XPR1: variants seen among roughly 807,000 people sequenced by gnomAD.
The protein encoded by XPR1 is xenotropic and polytropic retrovirus receptor 1.
In XPR1, 28 loss-of-function variants were observed where a neutral mutation model predicts 87.5. The observed-to-expected ratio is 0.32, with a 90% confidence interval of 0.24 to 0.44. The LOEUF (loss-of-function observed/expected upper bound fraction) is 0.44, where lower values mean the gene tolerates loss of function less well. Ranked by LOEUF, XPR1 falls within the 20% of genes least tolerant of loss-of-function variation. The pLI is 1.00. For missense variants in XPR1, 559 were observed against 862.3 expected, an observed-to-expected ratio of 0.65 and a Z score of 4.41; for synonymous variants, 300 against 306.1, an observed-to-expected ratio of 0.98 and a Z score of 0.21.
intron 2 of XPR1, among the ~76,000 whole-genome samples, chr1:180,730,418 A>G (rs16856409): frequency 0.17 from 25,237 of 152,226 alleles, 2,486 homozygotes; most frequent in East Asian, 0.27. Flanking sequence ...ATATTAGCAA[A>G]TATTTATTGA....
chr1:180,652,169 G>A (rs1334945305), intron 1 of XPR1, among the ~76,000 whole-genome samples: 4 of 152,172 alleles, frequency 2.6e-5, no homozygotes, highest in Non-Finnish European at 5.9e-5. Context: ...GCGGTCACCT[G>A]TAATCCTAGC....
At chr1:180,821,295 T>C (rs1650618424) in intron 7 of XPR1, among the ~76,000 whole-genome samples, 1 of 152,208 alleles carries the variant, frequency 6.6e-6, no homozygotes, top group Admixed American at 6.5e-5. Flanking sequence ...AGGACTAAGC[T>C]GTTGAAGAGA....
intron 3 of XPR1, among the ~76,000 whole-genome samples, chr1:180,796,594 G>T (rs934440582): frequency 6.6e-6 from 1 of 152,254 alleles, no homozygotes; most frequent in Non-Finnish European, 1.5e-5. Flanking sequence ...CATGGATTGA[G>T]TATACTGTAT....
intron 11 of XPR1, among the ~76,000 whole-genome samples, chr1:180,840,566 GTA>G (rs71579073): frequency 0.051 from 6,879 of 135,944 alleles, 479 homozygotes; most frequent in African/African-American, 0.16. Flanking sequence ...GTGTGTGTGT[GTA>G]TATATATATA....
intron 1 of XPR1, among the ~76,000 whole-genome samples, chr1:180,677,553 G>A (rs2101938423): frequency 6.6e-6 from 1 of 152,288 alleles, no homozygotes; most frequent in South Asian, 2.1e-4. Flanking sequence ...GGTCTGCAAA[G>A]TATCTCAGGC....
intron 1 of XPR1, among the ~76,000 whole-genome samples, chr1:180,669,382 G>GT (rs1364735909): frequency 2.0e-5 from 3 of 151,796 alleles, no homozygotes; most frequent in East Asian, 3.9e-4. Flanking sequence ...GTTTTGTTTT[G>GT]TTTTTTTCTT....
At chr1:180,782,518 A>C (rs1648979308) in intron 2 of XPR1, among the ~76,000 whole-genome samples, 1 of 152,000 alleles carries the variant, frequency 6.6e-6, no homozygotes, top group Non-Finnish European at 1.5e-5. Flanking sequence ...GCAGAGAGAG[A>C]AAGAGACAGA....
chr1:180,699,916 G>A (rs1261296884), intron 2 of XPR1, among the ~76,000 whole-genome samples: 28 of 25,582 alleles, frequency 1.1e-3, no homozygotes, highest in Admixed American at 2.2e-3. Flanking sequence ...TCTAACTGGT[G>A]TGAGATGATA....
In XPR1 at chr1:180,632,142, C is replaced by CTGT. The variant is rs1412494391; in HGVS notation, c.-57_-55dup. ...CCCATGTGGGGAGGAGTCGGAGTCG[C>CTGT]TGTTGCCGCCGCCGCCTGTAGCTGC... On this transcript the variant is annotated 5_prime_UTR_variant, in exon 1 of 15. Transcript: ENST00000367590. 3 of 1,562,348 alleles carry CTGT rather than the reference C, an allele frequency of 1.9e-6. No homozygotes were observed. The highest frequency in any genetic ancestry group is 2.6e-6 in the Non-Finnish European group (3 of 1,152,428).
intron 2 of XPR1, among the ~76,000 whole-genome samples, chr1:180,684,373 CT>C (rs1399892683): frequency 6.6e-6 from 1 of 152,062 alleles, no homozygotes; most frequent in African/African-American, 2.4e-5. Context: ...CAGTACCATG[CT>C]GTTTTGGTTA....
chr1:180,774,196 G>C (rs1034151380), intron 2 of XPR1, among the ~76,000 whole-genome samples: 1 of 152,094 alleles, frequency 6.6e-6, no homozygotes, highest in East Asian at 1.9e-4. Flanking sequence ...CCCTGGCTTT[G>C]AGGGAATTTG....
At chr1:180,640,677 C>T (rs1037561229) in intron 1 of XPR1, among the ~76,000 whole-genome samples, 7 of 152,118 alleles carry the variant, frequency 4.6e-5, no homozygotes, top group Non-Finnish European at 8.8e-5. Flanking sequence ...TAGTGTTCAC[C>T]TCTGTTAAAT....
At chr1:180,827,990 C>T (rs1650918776) in intron 9 of XPR1, among the ~76,000 whole-genome samples, 1 of 151,750 alleles carries the variant, frequency 6.6e-6, no homozygotes, top group Non-Finnish European at 1.5e-5. Flanking sequence ...GATCCTCCCA[C>T]CTCAACCTCT....
chr1:180,745,700 T>A (rs1478008249), intron 2 of XPR1, among the ~76,000 whole-genome samples: 1 of 152,150 alleles, frequency 6.6e-6, no homozygotes, highest in African/African-American at 2.4e-5. Flanking sequence ...ATATCTTGGT[T>A]TTGGGCAGCA....
intron 2 of XPR1, among the ~76,000 whole-genome samples, chr1:180,763,456 T>C (rs1648130897): frequency 6.6e-6 from 1 of 152,212 alleles, no homozygotes; most frequent in African/African-American, 2.4e-5. Context: ...AAGTATACCC[T>C]CGGAGTCTGT....
chr1:180,767,475 T>C (rs1029095442), intron 2 of XPR1, among the ~76,000 whole-genome samples: 6 of 152,158 alleles, frequency 3.9e-5, no homozygotes, highest in Non-Finnish European at 7.4e-5. Context: ...TGATCCTTAG[T>C]GCATTCTCTT....
At chr1:180,699,214 T>C (rs79483161) in intron 2 of XPR1, among the ~76,000 whole-genome samples, 7,298 of 147,870 alleles carry the variant, frequency 0.049, 317 homozygotes, top group East Asian at 0.24. Context: ...TCTTTCTTTT[T>C]TTTTTTTTTT....
Position 180,652,046 on chromosome 1 carries a change from T to A in XPR1, c.69+19776T>A, listed in dbSNP as rs528069273. The stretch of plus-strand genomic sequence containing the variant: ...GTGGCTCACGCCTGTAATTTCAGCA[T>A]TTTGGGAGGCCAAGGCGCGCGGATC... On this transcript the variant is annotated intron_variant, in intron 1 of 14. Coordinates refer to ENST00000367590, the MANE Select transcript of XPR1 (RefSeq NM_004736.4). Among the ~76,000 whole-genome samples the A allele has an allele frequency of 4.6e-5, 7 of 152,076 alleles. No individual in the cohort carries two copies. The South Asian group carries it at 1.5e-3, about 32-fold the overall frequency.
intron 6 of XPR1, among the ~76,000 whole-genome samples, chr1:180,809,034 A>G (rs944851837): frequency 1.3e-5 from 2 of 152,226 alleles, no homozygotes; most frequent in African/African-American, 4.8e-5. Context: ...GTGAATGGAT[A>G]AACAATTTGT....
Sources: allele counts gnomAD v4.1 joint callset (sites outside exome capture counted in the v4.1 genomes callset), GRCh38; gene constraint gnomAD v4.1.1; transcripts MANE v1.5; gene names NCBI Gene and HGNC (gene_info 2026-07-23, HGNC 2026-07-21).